The following NT5DC1 variants were observed in gnomAD, a reference collection of about 807,000 sequenced individuals.
NT5DC1 encodes the protein 5'-nucleotidase domain containing 1.
A neutral mutation model predicts 59.4 loss-of-function variants in NT5DC1; 42 were observed. That is an observed-to-expected ratio of 0.71 (90% CI 0.55 to 0.92). The LOEUF is 0.92. NT5DC1 is among the 40% of genes least tolerant of loss of function. NT5DC1 has a pLI of 0.00. For synonymous variants in NT5DC1, 172 were observed against 188.1 expected, an observed-to-expected ratio of 0.91 and a Z score of 0.70; for missense variants, 501 against 537.1, an observed-to-expected ratio of 0.93 and a Z score of 0.66.
chr6:116,195,883 T>C (rs1156691735), intron 6 of NT5DC1, among the ~76,000 whole-genome samples: 1 of 152,016 alleles, frequency 6.6e-6, no homozygotes, highest in East Asian at 1.9e-4. Context: ...CAAAAAGCTA[T>C]TTTAAGCCAC....
At chr6:116,215,536 C>T (rs1398412312) in intron 6 of NT5DC1, among the ~76,000 whole-genome samples, 1 of 152,134 alleles carries the variant, frequency 6.6e-6, no homozygotes, top group African/African-American at 2.4e-5. Context: ...ATTCTGTCAT[C>T]AGATCCATCT....
At chr6:116,121,394 C>G (rs1177693111) in intron 6 of NT5DC1, 1 of 1,614,146 alleles carries the variant, frequency 6.2e-7, no homozygotes, top group Non-Finnish European at 8.5e-7. Context: ...TCCCATTTCT[C>G]CCGGAAAACC....
At chr6:116,241,533 ACTCTC>A (rs1446831423) in intron 11 of NT5DC1, among the ~76,000 whole-genome samples, 1 of 152,214 alleles carries the variant, frequency 6.6e-6, no homozygotes, top group African/African-American at 2.4e-5. Flanking sequence ...CTCAAAAATA[ACTCTC>A]AAGAGAATTG....
intron 1 of NT5DC1, among the ~76,000 whole-genome samples, chr6:116,105,111 T>A (rs889480095): frequency 5.3e-5 from 8 of 152,194 alleles, no homozygotes; most frequent in African/African-American, 1.9e-4. Flanking sequence ...TAATTAGCTT[T>A]ATGACAGGGA....
intron 7 of NT5DC1, among the ~76,000 whole-genome samples, chr6:116,222,328 T>TCTTC (rs1379336175): frequency 7.9e-5 from 12 of 152,308 alleles, no homozygotes; most frequent in Non-Finnish European, 1.2e-4. Flanking sequence ...TAGATAACCA[T>TCTTC]AGTCTTTCTT....
At chr6:116,121,668 C>T in intron 6 of NT5DC1, 1 of 1,613,886 alleles carries the variant, frequency 6.2e-7, no homozygotes, top group Non-Finnish European at 8.5e-7. Context: ...GAAATTCCAG[C>T]CGGTCCAGGG....
chr6:116,184,908 T>C (rs1221965699), intron 6 of NT5DC1, among the ~76,000 whole-genome samples: 2 of 152,068 alleles, frequency 1.3e-5, no homozygotes, highest in Admixed American at 6.6e-5. Context: ...ATTTCTTTTC[T>C]TCTGCTGGGT....
intron 6 of NT5DC1, among the ~76,000 whole-genome samples, chr6:116,150,123 A>G (rs1562139696): frequency 6.6e-6 from 1 of 152,200 alleles, no homozygotes; most frequent in Non-Finnish European, 1.5e-5. Flanking sequence ...GTCTTTGACA[A>G]GGGCAATGAG....
chr6:116,221,780 A>G (rs1053541504), intron 7 of NT5DC1, among the ~76,000 whole-genome samples: 10 of 152,280 alleles, frequency 6.6e-5, no homozygotes, highest in Non-Finnish European at 1.5e-4. Context: ...TAACCTCTTT[A>G]AGCTTCAATT....
chr6:116,128,845 A>G (rs1422814987), intron 6 of NT5DC1, among the ~76,000 whole-genome samples: 1 of 152,172 alleles, frequency 6.6e-6, no homozygotes, highest in African/African-American at 2.4e-5. Context: ...GTATAGTCTG[A>G]TATCAGTGTT....
At chr6:116,158,243 T>A (rs1408046108) in intron 6 of NT5DC1, among the ~76,000 whole-genome samples, 4 of 92,014 alleles carry the variant, frequency 4.3e-5, no homozygotes, top group Non-Finnish European at 9.6e-5. Context: ...TGGGAGTAGT[T>A]TAGTGTGCTA....
chr6:116,209,630 G>A (rs916804728), intron 6 of NT5DC1, among the ~76,000 whole-genome samples: 1 of 151,904 alleles, frequency 6.6e-6, no homozygotes, highest in African/African-American at 2.4e-5. Flanking sequence ...GCAGCAGAGG[G>A]AAGGCAGAGT....
chr6:116,106,555 T>G (rs1778772349), intron 2 of NT5DC1, among the ~76,000 whole-genome samples: 1 of 152,192 alleles, frequency 6.6e-6, no homozygotes, highest in African/African-American at 2.4e-5. Flanking sequence ...AATGTGAAAA[T>G]AAGCTAAGAG....
intron 6 of NT5DC1, among the ~76,000 whole-genome samples, chr6:116,195,145 C>T (rs1781197738): frequency 6.6e-6 from 1 of 151,998 alleles, no homozygotes; most frequent in South Asian, 2.1e-4. Context: ...TGTTAGTTCT[C>T]TTGTTCACTG....
At chr6:116,163,348 T>G (rs1007255601) in intron 6 of NT5DC1, among the ~76,000 whole-genome samples, 2 of 151,626 alleles carry the variant, frequency 1.3e-5, no homozygotes, top group Non-Finnish European at 2.9e-5. Context: ...TGGTTCAATC[T>G]GGGAGGTTGT....
rs73770703 is a variant in NT5DC1 at position 116,224,749 on chromosome 6, G to A, written c.802+1618G>A. Among the ~76,000 whole-genome samples, 13 of 152,306 alleles carry A rather than the reference G, an allele frequency of 8.5e-5. No homozygotes were observed. In the East Asian group the frequency reaches 2.3e-3, roughly 27 times the overall value. Reference sequence around the variant, plus strand: ...TAGGGAGGCAGGCACCCGCATAAGCGGTGGAAAGGGGTTTAAATTTTATTC... The same window carrying A: ...TAGGGAGGCAGGCACCCGCATAAGCAGTGGAAAGGGGTTTAAATTTTATTC... On this transcript the variant is annotated intron_variant, in intron 8 of 11. Transcript: ENST00000319550.
At position 116,236,918 on chromosome 6, in the gene NT5DC1, T is replaced by C. The variant is rs770683838; in HGVS notation, c.803-48T>C. On this transcript the variant is annotated intron_variant, in intron 8 of 11. Transcript: ENST00000319550. ...CCTAAGTGTGGTCTGCCCAACTGGC[T>C]ACTCTCACTTGATTAAAAAGTATAT... The C allele has an allele frequency of 5.9e-6, 7 of 1,192,618 alleles. No homozygotes were observed. In the East Asian group the frequency reaches 7.0e-5, roughly 12 times the overall value. 73.9% of individuals were successfully genotyped at this position (1,192,618 alleles called of 1,614,324 possible). A position where few individuals can be genotyped will look rare whatever the true frequency, so the allele number is the denominator to read the frequency against.
chr6:116,103,295 A>G (rs756346857), intron 1 of NT5DC1, among the ~76,000 whole-genome samples: 7 of 151,918 alleles, frequency 4.6e-5, no homozygotes, highest in Admixed American at 1.3e-4. Flanking sequence ...AATCCTTACA[A>G]CGTCCCTGTG....
intron 6 of NT5DC1, among the ~76,000 whole-genome samples, chr6:116,150,111 G>A (rs1029169781): frequency 3.9e-5 from 6 of 152,070 alleles, no homozygotes; most frequent in African/African-American, 1.2e-4. Context: ...ATAAAAAGTC[G>A]AGTCTTTGAC....
Sources: allele counts gnomAD v4.1 joint callset (sites outside exome capture counted in the v4.1 genomes callset), GRCh38; gene constraint gnomAD v4.1.1; transcripts MANE v1.5; gene names NCBI Gene and HGNC (gene_info 2026-07-23, HGNC 2026-07-21).